The following FOXN3 variants were observed in gnomAD, a reference collection of about 807,000 sequenced individuals.
The protein encoded by FOXN3 is forkhead box protein N3.
Under a neutral mutation model 38.4 loss-of-function variants are expected in FOXN3, and 7 were observed. The observed-to-expected ratio is 0.18, with a 90% CI of 0.10 to 0.34. FOXN3 has a LOEUF of 0.34. Among genes scored for constraint, FOXN3 ranks in the 10% least tolerant of loss-of-function variants. FOXN3 has a pLI of 1.00. For synonymous variants in FOXN3, 230 were observed against 242.2 expected (o/e 0.95, Z 0.47); for missense variants, 456 against 613.4 (o/e 0.74, Z 2.71).
At position 89,461,146 on chromosome 14, in the gene FOXN3, A is replaced by G. The variant is rs143288853; in HGVS notation, c.-14-48656T>C. On this transcript the variant is annotated intron_variant, in intron 1 of 6. Coordinates refer to the FOXN3 transcript ENST00000345097. ...CAAGAAATCAAGACCATCATGGCCA[A>G]CCAACATGGTGAAACCCCATCTCTA... 6.6e-3 allele frequency among the ~76,000 whole-genome samples: 1,005 copies of G among 152,046 alleles called. 7 individuals are homozygous for G. Among genetic ancestry groups the G allele is most frequent in the African/African-American group, 0.022 (908 of 41,462 alleles).
At chr14:89,525,631 T>TA (rs55848557) in intron 1 of FOXN3, among the ~76,000 whole-genome samples, 6,306 of 123,832 alleles carry the variant, frequency 0.051, 193 homozygotes, top group African/African-American at 0.086. Context: ...TTGTTTTCAC[T>TA]AAAAAAAAAA....
intron 1 of FOXN3, among the ~76,000 whole-genome samples, chr14:89,514,850 T>C (rs546486337): frequency 1.3e-5 from 2 of 152,208 alleles, no homozygotes; most frequent in South Asian, 2.1e-4. Context: ...GGAGTTTAAA[T>C]TGATCGCCAT....
In FOXN3 at chr14:89,178,788, C is replaced by T. The variant is rs537383430; in HGVS notation, c.851+1913G>A. 6.6e-5 allele frequency among the ~76,000 whole-genome samples: 10 copies of T among 152,296 alleles called. 1 individual carries two copies. The Middle Eastern group carries it at 0.01, about 155-fold the overall frequency. On this transcript the variant is annotated intron_variant, in intron 5 of 5. Coordinates refer to ENST00000557258, the MANE Select transcript of FOXN3 (RefSeq NM_005197.4). ...CTCCTGTTGAAGGTCCACCTGTTGT[C>T]CGCCTGGCTTTTCTGTGCCCTTCTA...
intron 1 of FOXN3, among the ~76,000 whole-genome samples, chr14:89,533,546 C>T (rs1345101773): frequency 2.0e-5 from 3 of 151,780 alleles, no homozygotes; most frequent in Admixed American, 6.6e-5. Flanking sequence ...GCCTGTAGCC[C>T]GGCCACTCGG....
intron 1 of FOXN3, among the ~76,000 whole-genome samples, chr14:89,522,172 G>A (rs551107463): frequency 1.2e-3 from 184 of 151,414 alleles, no homozygotes; most frequent in Non-Finnish European, 1.9e-3. Flanking sequence ...GAAAAAAACT[G>A]TCAAATAAGA....
At chr14:89,415,604 CAAAAAAAAAAA>C (rs34026101) in intron 1 of FOXN3, among the ~76,000 whole-genome samples, 20,341 of 55,402 alleles carry the variant, frequency 0.37, 2,362 homozygotes, top group East Asian at 0.55. Flanking sequence ...CAACAATAAC[CAAAAAAAAAAA>C]AAAAAAAAAA....
At chr14:89,572,163 ATTG>A (rs1895509482) in intron 1 of FOXN3, among the ~76,000 whole-genome samples, 1 of 152,220 alleles carries the variant, frequency 6.6e-6, no homozygotes, top group African/African-American at 2.4e-5. Flanking sequence ...CACCCTTGAG[ATTG>A]TTAAGATTCT....
chr14:89,256,282 A>G (rs955526904), intron 4 of FOXN3, among the ~76,000 whole-genome samples: 1 of 152,186 alleles, frequency 6.6e-6, no homozygotes, highest in Non-Finnish European at 1.5e-5. Context: ...TCAATCAGTC[A>G]ATCATCAATC....
intron 2 of FOXN3, among the ~76,000 whole-genome samples, chr14:89,351,502 T>G (rs1433607936): frequency 1.3e-5 from 2 of 152,162 alleles, no homozygotes; most frequent in African/African-American, 4.8e-5. Flanking sequence ...AAATGCAAAT[T>G]TTCTAAAACC....
upstream of FOXN3, among the ~76,000 whole-genome samples, chr14:89,421,633 TCTC>T (rs899054851): frequency 1.1e-4 from 16 of 149,386 alleles, no homozygotes; most frequent in Non-Finnish European, 2.1e-4. Context: ...TTCAAGCAAT[TCTC>T]CTGCCTCAGC....
rs909039183 is a variant in FOXN3, at chr14:89,429,157, C to T, written c.-14-16667G>A. Among the ~76,000 whole-genome samples the T allele has an allele frequency of 3.3e-5, 5 of 152,148 alleles. 1 individual carries two copies. The highest frequency in any genetic ancestry group is 5.9e-5 in the Non-Finnish European group (4 of 68,028). The stretch of plus-strand genomic sequence containing the variant: ...TGATCCTGGACCTCCGTGTTGGCTG[C>T]GACCTTGAAAAGTCATGCTGTCAAC... On this transcript the variant is annotated intron_variant, in intron 1 of 6. Transcript: ENST00000345097.
At chr14:89,408,549 C>T (rs372483850) in intron 2 of FOXN3, among the ~76,000 whole-genome samples, 27 of 150,268 alleles carry the variant, frequency 1.8e-4, no homozygotes, top group African/African-American at 5.2e-4. Context: ...TCACCGTGCC[C>T]GGCTGGGAAT....
intron 1 of FOXN3, among the ~76,000 whole-genome samples, chr14:89,488,267 C>G (rs1369457302): frequency 1.3e-5 from 2 of 151,968 alleles, no homozygotes; most frequent in African/African-American, 4.8e-5. Context: ...ACTTTTAGTA[C>G]AGACAGGGTT....
At chr14:89,608,091 G>T (rs184156526) in intron 1 of FOXN3, among the ~76,000 whole-genome samples, 16 of 152,126 alleles carry the variant, frequency 1.1e-4, no homozygotes, top group African/African-American at 3.9e-4. Flanking sequence ...CCATTCTCCT[G>T]CCTCAGCCTC....
intron 4 of FOXN3, among the ~76,000 whole-genome samples, chr14:89,183,307 A>G (rs1011385306): frequency 2.0e-5 from 3 of 152,206 alleles, no homozygotes; most frequent in African/African-American, 7.2e-5. Context: ...CCATGCTGAT[A>G]AATAACAGAA....
chr14:89,544,823 G>A (rs1177714775), intron 1 of FOXN3, among the ~76,000 whole-genome samples: 5 of 152,112 alleles, frequency 3.3e-5, no homozygotes, highest in Non-Finnish European at 5.9e-5. Flanking sequence ...TTCATGCACC[G>A]GGCAAGACAG....
chr14:89,609,535 G>C (rs536888365), intron 1 of FOXN3, among the ~76,000 whole-genome samples: 11 of 152,212 alleles, frequency 7.2e-5, no homozygotes, highest in African/African-American at 2.6e-4. Flanking sequence ...GCTTTTCAGG[G>C]ACTCATGATT....
chr14:89,355,205 A>T (rs1345161013), intron 2 of FOXN3: 7 of 146,600 alleles, frequency 4.8e-5, no homozygotes, highest in African/African-American at 1.7e-4. Context: ...AAAAATGTAA[A>T]AAAAAAAAAA....
At chr14:89,167,509 G>T (rs913672952) in intron 5 of FOXN3, among the ~76,000 whole-genome samples, 2 of 152,178 alleles carry the variant, frequency 1.3e-5, no homozygotes, top group Non-Finnish European at 2.9e-5. Context: ...TGGGATTAAT[G>T]GGATTGTAGA....
Sources: gnomAD v4.1 joint callset for allele counts (sites outside exome capture counted in the v4.1 genomes callset) on GRCh38, gnomAD v4.1.1 for gene constraint, MANE v1.5 for transcripts, NCBI Gene and HGNC (gene_info 2026-07-23, HGNC 2026-07-21) for gene names.